Variants in ESR1 observed in about 807,000 individuals in gnomAD.
ESR1 encodes the protein estrogen receptor.
A neutral mutation model predicts 52.7 loss-of-function variants in ESR1; 12 were observed. The observed-to-expected ratio is 0.23, with a 90% CI of 0.15 to 0.37. ESR1 has a LOEUF of 0.37. ESR1 is among the 10% of genes least tolerant of loss of function. The pLI, the probability that ESR1 is intolerant of heterozygous loss-of-function variation, is 1.00. For missense variants in ESR1, 584 were observed against 779.7 expected (o/e 0.75, Z 2.99); for synonymous variants, 305 against 316.8 (o/e 0.96, Z 0.39).
intron 5 of ESR1, among the ~76,000 whole-genome samples, chr6:152,036,740 T>C (rs1019370879): frequency 2.0e-5 from 3 of 152,224 alleles, no homozygotes; most frequent in African/African-American, 7.2e-5. Context: ...GAGTTTTCTA[T>C]AGTATGTAAT....
chr6:151,757,761 C>T (rs969037576), intron 2 of ESR1, among the ~76,000 whole-genome samples: 10 of 152,162 alleles, frequency 6.6e-5, no homozygotes, highest in Admixed American at 5.2e-4. Flanking sequence ...ACAGGTGCCA[C>T]GACCGAGGAG....
At chr6:151,668,174 G>T (rs1268569710) in intron 1 of ESR1, among the ~76,000 whole-genome samples, 1 of 152,238 alleles carries the variant, frequency 6.6e-6, no homozygotes, top group Admixed American at 6.5e-5. Context: ...CAGATTGGTT[G>T]TCGGATGAAA....
chr6:152,048,414 C>CGTA (rs1391312132), intron 5 of ESR1, among the ~76,000 whole-genome samples: 3 of 149,326 alleles, frequency 2.0e-5, no homozygotes, highest in Non-Finnish European at 3.0e-5. Flanking sequence ...TTCTCAGATA[C>CGTA]TCCCCTGCCC....
At chr6:151,661,227 A>C (rs955680992) in intron 1 of ESR1, among the ~76,000 whole-genome samples, 7 of 152,262 alleles carry the variant, frequency 4.6e-5, no homozygotes, top group Admixed American at 4.6e-4. Context: ...GGATTTCCTT[A>C]ACAAAGATTT....
At chr6:151,692,840 C>T (rs1017145229) in intron 1 of ESR1, among the ~76,000 whole-genome samples, 1 of 152,196 alleles carries the variant, frequency 6.6e-6, no homozygotes, top group African/African-American at 2.4e-5. Context: ...CTCTGAAAGT[C>T]TGTGATTCTT....
At chr6:151,974,336 A>G (rs1020366684) in intron 4 of ESR1, among the ~76,000 whole-genome samples, 3 of 136,388 alleles carry the variant, frequency 2.2e-5, no homozygotes, top group African/African-American at 7.6e-5. Flanking sequence ...TATAAAGCAA[A>G]TATTGTTATT....
intron 4 of ESR1, among the ~76,000 whole-genome samples, chr6:151,960,731 G>A (rs1201232809): frequency 6.6e-6 from 1 of 152,120 alleles, no homozygotes; most frequent in Non-Finnish European, 1.5e-5. Flanking sequence ...TTGTCTACTG[G>A]GTTGAGAAGA....
At position 152,102,025 on chromosome 6, in the gene ESR1, T is replaced by G. The variant is rs769963557; in HGVS notation, c.*3059T>G. ...CCGTAATGATTCTATAATGCCATCA[T>G]GCAGCAATTATGAGAGGCTAGGTCA... is the stretch of plus-strand genomic sequence containing the variant. On this transcript the variant is annotated 3_prime_UTR_variant, in exon 8 of 8. Coordinates refer to ENST00000206249, the MANE Select transcript of ESR1 (RefSeq NM_000125.4). 2.3e-5 allele frequency: 5 copies of G among 215,024 alleles called. No individual in the cohort carries two copies. Among genetic ancestry groups the G allele is most frequent in the Non-Finnish European group, 4.7e-5 (5 of 106,340 alleles). The allele number at this position is 215,024 out of a possible 1,614,324, so 13.3% of individuals were successfully genotyped here.
chr6:151,893,083 C>A (rs566797366), intron 3 of ESR1, among the ~76,000 whole-genome samples: 59 of 152,254 alleles, frequency 3.9e-4, no homozygotes, highest in African/African-American at 1.4e-3. Flanking sequence ...CGCAGCTACT[C>A]GGGATACTGA....
chr6:152,099,172 A>G lies in ESR1; in HGVS notation c.*206A>G, dbSNP rs191469590. On this transcript the variant is annotated 3_prime_UTR_variant, in exon 8 of 8. Coordinates refer to ENST00000206249, the MANE Select transcript of ESR1 (RefSeq NM_000125.4). ...TGTTGGGAACAGCCAAAGGGATTCC[A>G]AGGCTAAATCTTTGTAACAGCTCTC... is the stretch of plus-strand genomic sequence containing the variant. The G allele has an allele frequency of 3.1e-4, 188 of 609,170 alleles. No individual in the cohort carries two copies. Among genetic ancestry groups the G allele is most frequent in the Admixed American group, 2.6e-3 (103 of 40,260 alleles). The allele number at this position is 609,170 out of a possible 1,614,324, so 37.7% of individuals were successfully genotyped here. A position where few individuals can be genotyped will look rare whatever the true frequency, so the allele number is the denominator to read the frequency against.
rs1285027258 is a variant in ESR1 at position 151,977,824 on chromosome 6, G to T, written c.1096+33316G>T. ...ATAATAATAATAAAAAAAAGTGACT[G>T]CAGGGGACTGGGAAGAGGAAACACA... On this transcript the variant is annotated intron_variant, in intron 4 of 7. Transcript: ENST00000206249. 3.3e-5 allele frequency among the ~76,000 whole-genome samples: 5 copies of T among 151,666 alleles called. No individual in the cohort carries two copies. The East Asian group carries it at 7.8e-4, about 24-fold the overall frequency.
At chr6:151,931,851 A>G (rs1461109484) in intron 3 of ESR1, among the ~76,000 whole-genome samples, 2 of 142,736 alleles carry the variant, frequency 1.4e-5, no homozygotes, top group African/African-American at 2.6e-5. Context: ...CCAGTCTATC[A>G]TTGTTGGACA....
intron 1 of ESR1, among the ~76,000 whole-genome samples, chr6:151,685,420 A>T (rs1024933449): frequency 6.6e-6 from 1 of 152,192 alleles, no homozygotes; most frequent in Admixed American, 6.5e-5. Flanking sequence ...GGCGTGAGCC[A>T]CCGCGCCCGG....
At chr6:151,744,844 C>T (rs1187572604) in intron 2 of ESR1, among the ~76,000 whole-genome samples, 1 of 152,168 alleles carries the variant, frequency 6.6e-6, no homozygotes, top group Admixed American at 6.5e-5. Context: ...ATAGTTTCAG[C>T]TCTTATATTT....
intron 1 of ESR1, among the ~76,000 whole-genome samples, chr6:151,819,750 C>T (rs1039429302): frequency 3.3e-5 from 5 of 152,296 alleles, no homozygotes; most frequent in African/African-American, 1.2e-4. Flanking sequence ...ATGTGATGCA[C>T]TGGAATCATC....
intron 1 of ESR1, among the ~76,000 whole-genome samples, chr6:151,659,658 A>C (rs1777572437): frequency 6.6e-6 from 1 of 152,208 alleles, no homozygotes; most frequent in South Asian, 2.1e-4. Context: ...AATAGGAGTA[A>C]TTCAGCAGGC....
intron 6 of ESR1, among the ~76,000 whole-genome samples, chr6:152,113,655 T>A (rs1362167094): frequency 6.6e-6 from 1 of 152,102 alleles, no homozygotes; most frequent in Non-Finnish European, 1.5e-5. Context: ...TTAAGAGACT[T>A]TCTCCTCATA....
intron 2 of ESR1, among the ~76,000 whole-genome samples, chr6:151,876,845 CCAAACCTT>C (rs1791903202): frequency 6.6e-6 from 1 of 151,960 alleles, no homozygotes; most frequent in African/African-American, 2.4e-5. Context: ...GATTATTTTT[CCAAACCTT>C]CACCTGAACA....
chr6:151,740,360 T>C (rs1448321126), intron 2 of ESR1, among the ~76,000 whole-genome samples: 2 of 139,082 alleles, frequency 1.4e-5, no homozygotes, highest in African/African-American at 2.7e-5. Context: ...GGTCTCAAAC[T>C]CCTGACCTCA....
Sources: gnomAD v4.1 joint callset for allele counts (sites outside exome capture counted in the v4.1 genomes callset) on GRCh38, gnomAD v4.1.1 for gene constraint, MANE v1.5 for transcripts, NCBI Gene and HGNC (gene_info 2026-07-23, HGNC 2026-07-21) for gene names.